RWDD2B: variants seen among roughly 807,000 people sequenced by gnomAD.
RWDD2B encodes the protein RWD domain-containing protein 2B.
RWDD2B carries 36 observed loss-of-function variants against 33.6 expected under a neutral mutation model. The ratio of observed to expected loss-of-function variants is 1.07; its 90% CI spans 0.82 to 1.42. The LOEUF (loss-of-function observed/expected upper bound fraction) is 1.42. Ranked by LOEUF, RWDD2B falls within the 40% of genes most tolerant of loss-of-function variation. RWDD2B has a pLI of 0.00. For missense variants in RWDD2B, 364 were observed against 377.5 expected (o/e 0.96, Z 0.30); for synonymous variants, 126 against 133.1 (o/e 0.95, Z 0.37).
intron 1 of RWDD2B, among the ~76,000 whole-genome samples, chr21:29,009,424 C>T (rs1232740090): frequency 2.2e-5 from 3 of 136,682 alleles, no homozygotes; most frequent in African/African-American, 5.6e-5. Context: ...AACGGAGTCT[C>T]GCTCTGTCAC....
chr21:29,012,670 G>A (rs2084870322), intron 1 of RWDD2B, among the ~76,000 whole-genome samples: 1 of 151,822 alleles, frequency 6.6e-6, no homozygotes, highest in South Asian at 2.1e-4. Flanking sequence ...AGGAAAACCA[G>A]AGACCTTTGT....
In RWDD2B at chr21:29,019,300, A is replaced by G. The variant is rs756376111; in HGVS notation, c.-23T>C. On this transcript the variant is annotated 5_prime_UTR_variant, in exon 1 of 5. Transcript: ENST00000493196. Reference sequence around the variant, plus strand: ...CATCAGAAGGGAGCCTCAAAATTCTAGCATACTGCGACCCAAAACTTACAA... The same window carrying G: ...CATCAGAAGGGAGCCTCAAAATTCTGGCATACTGCGACCCAAAACTTACAA... 6.4e-7 allele frequency: 1 copy of G among 1,571,940 alleles called. No homozygotes were observed. Among genetic ancestry groups the G allele is most frequent in the Non-Finnish European group, 8.7e-7 (1 of 1,153,982 alleles).
At chr21:29,012,507 T>G (rs2084869419) in intron 1 of RWDD2B, among the ~76,000 whole-genome samples, 1 of 151,938 alleles carries the variant, frequency 6.6e-6, no homozygotes, top group African/African-American at 2.4e-5. Context: ...ATGTGCTGTA[T>G]CCACTCAGGG....
chr21:29,008,175 G>T (rs768113366), intron 3 of RWDD2B, 52 bp from the exon 4 acceptor site: 1 of 1,610,212 alleles, frequency 6.2e-7, no homozygotes, highest in African/African-American at 1.3e-5. Context: ...AAACAAATTC[G>T]AGAATTGCTT....
At chr21:29,007,263 A>C (rs2084832987) in intron 4 of RWDD2B, among the ~76,000 whole-genome samples, 1 of 152,222 alleles carries the variant, frequency 6.6e-6, no homozygotes, top group Non-Finnish European at 1.5e-5. Flanking sequence ...TATTTACAGA[A>C]TGTCTCCTAC....
chr21:29,009,598 G>C (rs936455369), intron 1 of RWDD2B: 5 of 150,550 alleles, frequency 3.3e-5, no homozygotes, highest in Non-Finnish European at 7.4e-5. Context: ...GTTTCACCGT[G>C]TTAGCCAGGA....
chr21:29,015,899 T>C (rs1450193715), intron 1 of RWDD2B, among the ~76,000 whole-genome samples: 1 of 152,170 alleles, frequency 6.6e-6, no homozygotes, highest in Non-Finnish European at 1.5e-5. Context: ...ATGGGCACAA[T>C]TCTTATTTGT....
At position 29,007,892 on chromosome 21, in the gene RWDD2B, A is replaced by G. The variant is rs1164065525; in HGVS notation, c.594T>C (p.Tyr198=). ...GAATATTCTTTCTTTTGCATTTGTT[A>G]TAGATATGATGGCTGTAGATCCAGA... is the stretch of plus-strand genomic sequence containing the variant. ...TRLWIYSHHI[Y]NKCKRKNILE... The change falls in exon 4 of 5, where the codon TAT becomes TAC. Residue 198 remains tyrosine, a synonymous_variant. Transcript: ENST00000493196. 1 of 1,614,262 alleles carries G rather than the reference A, an allele frequency of 6.2e-7. No individual in the cohort carries two copies. The highest frequency in any genetic ancestry group is 2.2e-5 in the East Asian group (1 of 44,890).
chr21:29,019,244 G>C lies in RWDD2B; in HGVS notation c.34C>G (p.Pro12Ala), dbSNP rs1230986506. The C allele has an allele frequency of 6.2e-7, 1 of 1,606,144 alleles. No individual in the cohort carries two copies. The highest frequency in any genetic ancestry group is 1.7e-5 in the Admixed American group (1 of 58,782). Residue 12 changes from proline to alanine, a missense_variant, in exon 1 of 5, where the codon CCG (proline) becomes GCG (alanine). Physicochemically the swap from Pro to Ala is conservative, Grantham distance 27. Coordinates refer to ENST00000493196, the MANE Select transcript of RWDD2B (RefSeq NM_016940.3). ...GTGGCCCCCTCACTGCTGTAACCCGGGTTCCATGGCTGCATGGACAGCTCA... is the reference window on the plus strand; with the variant it reads ...GTGGCCCCCTCACTGCTGTAACCCGCGTTCCATGGCTGCATGGACAGCTCA... ...KIELSMQPWNPGYSSEGATAQ... is the reference protein window; with the variant it reads ...KIELSMQPWNAGYSSEGATAQ...
chr21:29,013,725 A>C (rs949191737), intron 1 of RWDD2B, among the ~76,000 whole-genome samples: 9 of 152,026 alleles, frequency 5.9e-5, no homozygotes, highest in Non-Finnish European at 1.0e-4. Flanking sequence ...AGATTAATAC[A>C]GAAAAAGACG....
At chr21:29,006,746 T>C (rs1275183516) in intron 4 of RWDD2B, 95 bp from the exon 5 acceptor site, 4 of 702,028 alleles carry the variant, frequency 5.7e-6, no homozygotes, top group Admixed American at 5.9e-5. Flanking sequence ...TGCCTTTTCC[T>C]AGAAGTAGTC....
At chr21:29,011,133 T>C (rs1027411184) in intron 1 of RWDD2B, among the ~76,000 whole-genome samples, 14 of 150,062 alleles carry the variant, frequency 9.3e-5, no homozygotes, top group African/African-American at 3.2e-4. Flanking sequence ...CCACCCATCG[T>C]CTGGGATGTG....
chr21:29,013,546 G>A (rs572254126), intron 1 of RWDD2B, among the ~76,000 whole-genome samples: 33 of 152,010 alleles, frequency 2.2e-4, no homozygotes, highest in African/African-American at 4.6e-4. Flanking sequence ...AAAATTAGCC[G>A]GGCGTGGTGG....
rs1423276838 is a variant in RWDD2B at position 29,006,458 on chromosome 21, C to T, written c.919G>A (p.Gly307Arg). 6.2e-7 allele frequency: 1 copy of T among 1,613,586 alleles called. No homozygotes were observed. The highest frequency in any genetic ancestry group is 8.5e-7 in the Non-Finnish European group (1 of 1,179,784). ...LYQFLNTKGC[G>R]DVFQMFFGVE... ...CCAAAGAACATCTGGAAAACATCCC[C>T]ACATCCTTTGGTGTTTAAGAACTGA... is the stretch of plus-strand genomic sequence containing the variant. The change falls in exon 5 of 5, where the codon GGG becomes AGG. Residue 307 changes from glycine to arginine, a missense_variant. Gly to Arg is a moderately radical substitution (Grantham distance 125). Transcript: ENST00000493196.
At chr21:29,007,423 T>A (rs1485004089) in intron 4 of RWDD2B, among the ~76,000 whole-genome samples, 1 of 152,264 alleles carries the variant, frequency 6.6e-6, no homozygotes, top group East Asian at 1.9e-4. Context: ...ACAACGGGGA[T>A]ACATTCTGAG....
Position 29,006,652 on chromosome 21 carries a change from CTGAAA to C in RWDD2B, c.726-6_726-2del. 1 of 1,565,994 alleles carries C rather than the reference CTGAAA, an allele frequency of 6.4e-7. No individual in the cohort carries two copies. Among genetic ancestry groups the C allele is most frequent in the Non-Finnish European group, 8.7e-7 (1 of 1,144,526 alleles). On this transcript the variant is annotated splice_acceptor_variant and splice_polypyrimidine_tract_variant and intron_variant, in intron 4 of 4. Transcript: ENST00000493196. LOFTEE classifies it high-confidence loss of function. The stretch of plus-strand genomic sequence containing the variant: ...TCTCTTCCAGTTTAATTTTCTGAGT[CTGAAA>C]AGAAATTTCCAAAGTAAACATTTTC...
At chr21:29,017,650 T>C (rs2084896866) in intron 1 of RWDD2B, among the ~76,000 whole-genome samples, 1 of 151,902 alleles carries the variant, frequency 6.6e-6, no homozygotes, top group South Asian at 2.1e-4. Context: ...AGTGAATAAC[T>C]GCTATGAAGA....
chr21:29,010,423 A>G (rs980239849), intron 1 of RWDD2B, among the ~76,000 whole-genome samples: 18 of 78,910 alleles, frequency 2.3e-4, no homozygotes, highest in Non-Finnish European at 3.8e-4. Flanking sequence ...CCTGGGTAAC[A>G]TAACGAAACC....
At chr21:29,008,684 A>G in intron 1 of RWDD2B, 63 bp from the exon 2 acceptor site, 1 of 1,041,308 alleles carries the variant, frequency 9.6e-7, no homozygotes, top group South Asian at 1.5e-5. Context: ...TGAATACATC[A>G]ACATGTGTAC....
Sources: gnomAD v4.1 joint callset for allele counts (sites outside exome capture counted in the v4.1 genomes callset) on GRCh38, gnomAD v4.1.1 for gene constraint, MANE v1.5 for transcripts, NCBI Gene and HGNC (gene_info 2026-07-23, HGNC 2026-07-21) for gene names.